PCDH15: variants seen among roughly 807,000 people sequenced by gnomAD.
The protein encoded by PCDH15 is protocadherin-15.
PCDH15 carries 129 observed loss-of-function variants against 178.5 expected under a neutral mutation model. That is an observed-to-expected ratio of 0.72 (90% CI 0.63 to 0.84). The LOEUF is 0.84. PCDH15 is among the 40% of genes least tolerant of loss of function. The pLI, the probability that PCDH15 is intolerant of heterozygous loss-of-function variation, is 0.00. For missense variants in PCDH15, 2,230 were observed against 2,099.9 expected (o/e 1.06, Z -1.21); for synonymous variants, 800 against 732.0 (o/e 1.09, Z -1.50).
intron 2 of PCDH15, among the ~76,000 whole-genome samples, chr10:55,160,615 C>G (rs188367985): frequency 2.0e-5 from 3 of 151,990 alleles, no homozygotes; most frequent in Non-Finnish European, 4.4e-5. Flanking sequence ...ATCATGCTAA[C>G]GTTCTTCAGC....
At chr10:54,791,692 T>C (rs571111975) in intron 1 of PCDH15, among the ~76,000 whole-genome samples, 1 of 152,062 alleles carries the variant, frequency 6.6e-6, no homozygotes, top group African/African-American at 2.4e-5. Flanking sequence ...TCTCTCTACT[T>C]CATATCTCAC....
At chr10:54,301,153 G>A (rs1266097049) in intron 8 of PCDH15, among the ~76,000 whole-genome samples, 1 of 152,144 alleles carries the variant, frequency 6.6e-6, no homozygotes, top group East Asian at 1.9e-4. Context: ...TCACTGTGAA[G>A]GTCTGTGGCT....
At chr10:54,450,925 T>C (rs1186092368) in intron 3 of PCDH15, among the ~76,000 whole-genome samples, 1 of 151,914 alleles carries the variant, frequency 6.6e-6, no homozygotes, top group African/African-American at 2.4e-5. Flanking sequence ...TGATAAAGAT[T>C]AGCAATTTAA....
chr10:53,827,831 A>T (rs2076784170), intron 31 of PCDH15, among the ~76,000 whole-genome samples: 1 of 152,186 alleles, frequency 6.6e-6, no homozygotes, highest in Non-Finnish European at 1.5e-5. Flanking sequence ...AGAGAAAGCA[A>T]AATTTTAATT....
intron 2 of PCDH15, among the ~76,000 whole-genome samples, chr10:55,157,445 C>T: frequency 6.8e-6 from 1 of 148,128 alleles, no homozygotes; most frequent in Non-Finnish European, 1.5e-5. Context: ...CCCAGCCATC[C>T]CATTACTGGG....
intron 27 of PCDH15, among the ~76,000 whole-genome samples, chr10:53,865,782 C>T (rs10825134): frequency 0.27 from 41,180 of 151,758 alleles, 7,007 homozygotes; most frequent in East Asian, 0.76. Context: ...ATGAAGGTTA[C>T]GCTTGTCCAG....
chr10:53,841,701 C>T (rs1180839239), intron 28 of PCDH15, among the ~76,000 whole-genome samples: 6 of 152,136 alleles, frequency 3.9e-5, no homozygotes, highest in Admixed American at 3.9e-4. Flanking sequence ...TTTCTGTCAC[C>T]ACTCCACGCC....
At chr10:54,395,535 A>G (rs116752638) in intron 3 of PCDH15, among the ~76,000 whole-genome samples, 3,995 of 151,964 alleles carry the variant, frequency 0.026, 169 homozygotes, top group African/African-American at 0.089. Flanking sequence ...CTTGAATAAC[A>G]TAGTCATTTA....
chr10:53,954,350 A>T (rs1422331973), intron 23 of PCDH15, among the ~76,000 whole-genome samples: 1 of 152,218 alleles, frequency 6.6e-6, no homozygotes, highest in East Asian at 1.9e-4. Flanking sequence ...GTCTATTGTT[A>T]TATTCCAGCA....
intron 12 of PCDH15, among the ~76,000 whole-genome samples, chr10:54,183,922 C>T (rs1235452182): frequency 6.6e-6 from 1 of 152,022 alleles, no homozygotes; most frequent in Non-Finnish European, 1.5e-5. Flanking sequence ...TCCTTAAAAA[C>T]TTAATTGGAA....
chr10:55,118,367 A>G (rs982514432), intron 2 of PCDH15, among the ~76,000 whole-genome samples: 1 of 152,176 alleles, frequency 6.6e-6, no homozygotes, highest in Admixed American at 6.5e-5. Flanking sequence ...GCTGGCTTCT[A>G]GCTGTTGCAT....
At chr10:55,025,129 A>G (rs1403921673) in intron 2 of PCDH15, among the ~76,000 whole-genome samples, 1 of 151,958 alleles carries the variant, frequency 6.6e-6, no homozygotes, top group Non-Finnish European at 1.5e-5. Flanking sequence ...CCATACCCCA[A>G]TTCTAGTAGT....
chr10:55,383,428 A>G (rs1837583786), intron 2 of PCDH15, among the ~76,000 whole-genome samples: 1 of 152,102 alleles, frequency 6.6e-6, no homozygotes. Flanking sequence ...TTTGGGCAGG[A>G]AAACAGGGAT....
intron 27 of PCDH15, among the ~76,000 whole-genome samples, chr10:53,862,968 T>G (rs2079196681): frequency 1.3e-5 from 2 of 152,200 alleles, no homozygotes; most frequent in African/African-American, 2.4e-5. Flanking sequence ...AGAAATTTTT[T>G]GCCTAAGGAA....
At chr10:54,975,771 C>T (rs141522598) in intron 2 of PCDH15, among the ~76,000 whole-genome samples, 97 of 151,812 alleles carry the variant, frequency 6.4e-4, no homozygotes, top group African/African-American at 2.0e-3. Context: ...TTAGTATGGC[C>T]GGGAAAACAC....
Position 54,379,059 on chromosome 10 carries a change from A to G in PCDH15, c.158-117T>C, listed in dbSNP as rs142057286. ...TCAGTTTTAAAGCTGAAAATACTCAACTGTATATCTAGCATAAGACAGAAA... is the reference window on the plus strand; with the variant it reads ...TCAGTTTTAAAGCTGAAAATACTCAGCTGTATATCTAGCATAAGACAGAAA... On this transcript the variant is annotated intron_variant, in intron 3 of 37. Coordinates refer to ENST00000644397, the MANE Select transcript of PCDH15 (RefSeq NM_001384140.1). 3.0e-5 allele frequency: 31 copies of G among 1,048,614 alleles called. No individual in the cohort carries two copies. In the East Asian group the frequency reaches 6.6e-4, roughly 22 times the overall value. 65.0% of individuals were successfully genotyped at this position (1,048,614 alleles called of 1,614,324 possible). A position where few individuals can be genotyped will look rare whatever the true frequency, so the allele number is the denominator to read the frequency against.
In PCDH15 at chr10:54,577,120, G is replaced by T. The variant is rs1213679821; in HGVS notation, c.92-49243C>A. Among the ~76,000 whole-genome samples the T allele has an allele frequency of 2.6e-5, 4 of 151,056 alleles. No individual in the cohort carries two copies. The East Asian group carries it at 7.8e-4, about 30-fold the overall frequency. On this transcript the variant is annotated intron_variant, in intron 2 of 37. Coordinates refer to ENST00000644397, the MANE Select transcript of PCDH15 (RefSeq NM_001384140.1). ...TTTTTTTTTGAGACAGTCTCACTCT[G>T]TCCCCAGGCTGGAGTGCAGTGACGC...
chr10:54,330,255 C>G (rs1939190501), intron 6 of PCDH15, among the ~76,000 whole-genome samples: 1 of 151,680 alleles, frequency 6.6e-6, no homozygotes, highest in Admixed American at 6.6e-5. Context: ...CATTGTGTGA[C>G]TATTATAGAG....
chr10:54,512,990 C>T (rs1377926836), intron 3 of PCDH15, among the ~76,000 whole-genome samples: 2 of 151,912 alleles, frequency 1.3e-5, no homozygotes, highest in Non-Finnish European at 1.5e-5. Flanking sequence ...GGCTGATAAA[C>T]TTCATCTGTC....
Sources: allele counts gnomAD v4.1 joint callset (sites outside exome capture counted in the v4.1 genomes callset), GRCh38; gene constraint gnomAD v4.1.1; transcripts MANE v1.5; gene names NCBI Gene and HGNC (gene_info 2026-07-23, HGNC 2026-07-21).